Variants in IQCH observed in about 807,000 individuals in gnomAD.
The protein encoded by IQCH is IQ motif containing H.
In IQCH, 98 loss-of-function variants were observed where a neutral mutation model predicts 117.0. That is an observed-to-expected ratio of 0.84 (90% CI 0.71 to 0.99). The LOEUF (loss-of-function observed/expected upper bound fraction) is 0.99. Ranked by LOEUF, IQCH falls within the 50% of genes least tolerant of loss-of-function variation. The pLI, the probability that IQCH is intolerant of heterozygous loss-of-function variation, is 0.00. For synonymous variants in IQCH, 412 were observed against 448.2 expected (o/e 0.92, Z 1.02); for missense variants, 1,102 against 1,243.8 (o/e 0.89, Z 1.72).
At chr15:67,262,980 T>G (rs1418133926) in intron 2 of IQCH, 142 bp from the exon 3 acceptor site, 1 of 631,934 alleles carries the variant, frequency 1.6e-6, no homozygotes, top group Non-Finnish European at 2.8e-6. Context: ...AGATGCCTAA[T>G]GATACCTTAG....
At chr15:67,324,924 A>G (rs1316432464) in intron 4 of IQCH, among the ~76,000 whole-genome samples, 2 of 151,854 alleles carry the variant, frequency 1.3e-5, no homozygotes, top group Non-Finnish European at 2.9e-5. Context: ...GGTTCATCGT[A>G]TGAGTTTCTA....
At chr15:67,487,940 A>G (rs971069038) in intron 18 of IQCH, among the ~76,000 whole-genome samples, 1 of 152,012 alleles carries the variant, frequency 6.6e-6, no homozygotes, top group East Asian at 1.9e-4. Context: ...CGGTTACAAG[A>G]TAATTTTCAA....
In IQCH at chr15:67,443,212, T is replaced by G. The variant is rs2082320682; in HGVS notation, c.2505+21635T>G. Among the ~76,000 whole-genome samples the G allele has an allele frequency of 6.6e-6, 1 of 152,182 alleles. No individual in the cohort carries two copies. Among genetic ancestry groups the G allele is most frequent in the African/African-American group, 2.4e-5 (1 of 41,428 alleles). ...TTTCACCGTGTTAACCAGGATGGTCTCGATCTCCTGAACTCGTCATCCACC... is the reference window on the plus strand; with the variant it reads ...TTTCACCGTGTTAACCAGGATGGTCGCGATCTCCTGAACTCGTCATCCACC... On this transcript the variant is annotated intron_variant, in intron 16 of 20. Transcript: ENST00000335894. The surrounding 1 kb of genome is among the most constrained non-coding windows in gnomAD (Gnocchi z 5.0).
rs1248409261 is a variant in IQCH at position 67,496,010 on chromosome 15, C to T, written c.2970+1644C>T. ...CAAGGATTTACCAGCAAAGTAAAGG[C>T]TAAATAAAAATGGAAGGTGATTGAG... On this transcript the variant is annotated intron_variant, in intron 20 of 20. Coordinates refer to ENST00000335894, the MANE Select transcript of IQCH (RefSeq NM_001031715.3). The surrounding 1 kb of genome is among the most constrained non-coding windows in gnomAD (Gnocchi z 4.4). Among the ~76,000 whole-genome samples the T allele has an allele frequency of 6.6e-6, 1 of 152,112 alleles. No homozygotes were observed. The highest frequency in any genetic ancestry group is 1.5e-5 in the Non-Finnish European group (1 of 68,026).
intron 12 of IQCH, among the ~76,000 whole-genome samples, chr15:67,389,510 T>A (rs374822133): frequency 6.6e-6 from 1 of 151,930 alleles, no homozygotes; most frequent in South Asian, 2.1e-4. Context: ...GATTTTTTAG[T>A]GAATGGAATG....
At chr15:67,355,724 A>G (rs555520845) in intron 6 of IQCH, among the ~76,000 whole-genome samples, 1 of 152,354 alleles carries the variant, frequency 6.6e-6, no homozygotes. Flanking sequence ...TTGAGTAGCA[A>G]AATAGGCAGT....
chr15:67,265,383 C>T (rs1430411364), intron 3 of IQCH, among the ~76,000 whole-genome samples: 1 of 152,172 alleles, frequency 6.6e-6, no homozygotes, highest in Admixed American at 6.5e-5. Flanking sequence ...CATATCTTTC[C>T]TATTCAGTAC....
intron 3 of IQCH, 86 bp downstream of exon 3, chr15:67,263,302 G>C: frequency 1.4e-6 from 1 of 703,972 alleles, no homozygotes. Context: ...ATAAAATATA[G>C]GCAACATTTT....
At chr15:67,452,007 T>C (rs1414139486) in intron 16 of IQCH, among the ~76,000 whole-genome samples, 3 of 152,204 alleles carry the variant, frequency 2.0e-5, no homozygotes, top group Admixed American at 6.5e-5. Context: ...TAGATCTTTG[T>C]TGGTTTAAAG....
At chr15:67,440,652 G>A (rs1353067213) in intron 16 of IQCH, among the ~76,000 whole-genome samples, 9 of 152,090 alleles carry the variant, frequency 5.9e-5, no homozygotes, top group Admixed American at 5.9e-4. Context: ...AAAAGCATTC[G>A]ACAAAATCCA....
chr15:67,472,874 T>A lies in IQCH; in HGVS notation c.2677-2822T>A, dbSNP rs1421411693. ...ATTCTTTATGCATCACAAACCCCAG[T>A]CTGGGAGGAAGGGGAGTTGCACTCT... On this transcript the variant is annotated intron_variant, in intron 17 of 20. Coordinates refer to ENST00000335894, the MANE Select transcript of IQCH (RefSeq NM_001031715.3). The surrounding 1 kb of genome is among the most constrained non-coding windows in gnomAD (Gnocchi z 4.3). Among the ~76,000 whole-genome samples the A allele has an allele frequency of 6.6e-6, 1 of 152,150 alleles. No homozygotes were observed. The highest frequency in any genetic ancestry group is 1.9e-4 in the East Asian group (1 of 5,194).
chr15:67,364,184 A>G lies in IQCH; in HGVS notation c.753+4299A>G, dbSNP rs1379887060. ...TTTACATTCCCACTGGCAGTGTATAAGCATTCCCTTTTCTCTGCAACCTCA... is the reference window on the plus strand; with the variant it reads ...TTTACATTCCCACTGGCAGTGTATAGGCATTCCCTTTTCTCTGCAACCTCA... On this transcript the variant is annotated intron_variant, in intron 8 of 20. Transcript: ENST00000335894. The surrounding 1 kb of genome is among the most constrained non-coding windows in gnomAD (Gnocchi z 4.1). Among the ~76,000 whole-genome samples the G allele has an allele frequency of 2.0e-5, 3 of 152,212 alleles. No individual in the cohort carries two copies. In the East Asian group the frequency reaches 5.8e-4, roughly 29 times the overall value.
chr15:67,420,139 T>C lies in IQCH; in HGVS notation c.2219-1152T>C, dbSNP rs187478541. 8.2e-3 allele frequency among the ~76,000 whole-genome samples: 1,242 copies of C among 152,278 alleles called. 8 individuals are homozygous for C. Among genetic ancestry groups the C allele is most frequent in the Admixed American group, 0.016 (245 of 15,292 alleles). ...AAAAGCATGTCTCAAACAAACCAAA[T>C]AGAAAAATTAGGATTTGAATATGTA... On this transcript the variant is annotated intron_variant, in intron 15 of 20. Coordinates refer to ENST00000335894, the MANE Select transcript of IQCH (RefSeq NM_001031715.3).
intron 16 of IQCH, among the ~76,000 whole-genome samples, chr15:67,437,444 A>C (rs897427571): frequency 1.3e-5 from 2 of 152,176 alleles, no homozygotes. Flanking sequence ...GACAGAGCCT[A>C]CCCAAATGAG....
At chr15:67,256,947 A>G (rs1357961901) in intron 1 of IQCH, among the ~76,000 whole-genome samples, 2 of 152,238 alleles carry the variant, frequency 1.3e-5, no homozygotes, top group African/African-American at 2.4e-5. Context: ...GACTTTCCCT[A>G]CTTTCTCAGT....
chr15:67,336,853 T>G (rs940862052), intron 4 of IQCH, 122 bp from the exon 5 acceptor site: 1 of 870,226 alleles, frequency 1.1e-6, no homozygotes, highest in Admixed American at 2.6e-5. Flanking sequence ...AAATTGGAGC[T>G]GATATTGCTA....
chr15:67,262,652 A>G (rs1965508562), intron 2 of IQCH, among the ~76,000 whole-genome samples: 1 of 152,162 alleles, frequency 6.6e-6, no homozygotes, highest in African/African-American at 2.4e-5. Flanking sequence ...TGCATTGACT[A>G]TTGTGCACAA....
chr15:67,373,484 A>T, intron 10 of IQCH, 51 bp downstream of exon 10: 1 of 1,170,206 alleles, frequency 8.5e-7, no homozygotes, highest in Non-Finnish European at 1.3e-6. Flanking sequence ...TACCCACCAC[A>T]TTATGGCTCC....
chr15:67,279,836 A>C (rs975092841), intron 4 of IQCH, among the ~76,000 whole-genome samples: 1 of 152,148 alleles, frequency 6.6e-6, no homozygotes, highest in Non-Finnish European at 1.5e-5. Flanking sequence ...CCCCGTCTCT[A>C]CTAAAAATAC....
Sources: gnomAD v4.1 joint callset for allele counts (sites outside exome capture counted in the v4.1 genomes callset) on GRCh38, gnomAD v4.1.1 for gene constraint, Gnocchi (gnomAD v3.1) non-coding constraint, MANE v1.5 for transcripts, NCBI Gene and HGNC (gene_info 2026-07-23, HGNC 2026-07-21) for gene names.